GRIN2B: variants seen among roughly 807,000 people sequenced by gnomAD.
GRIN2B encodes glutamate receptor ionotropic, NMDA 2B.
In GRIN2B, 5 loss-of-function variants were observed where a neutral mutation model predicts 114.5. The observed-to-expected ratio is 0.04, with a 90% CI of 0.02 to 0.09. The LOEUF (loss-of-function observed/expected upper bound fraction) is 0.09, where lower values mean the gene tolerates loss of function less well. Ranked by LOEUF, GRIN2B falls within the 10% of genes least tolerant of loss-of-function variation. The pLI is 1.00. For synonymous variants in GRIN2B, 787 were observed against 745.1 expected, an observed-to-expected ratio of 1.06 and a Z score of -0.92; for missense variants, 1,108 against 1,943.5, an observed-to-expected ratio of 0.57 and a Z score of 8.08.
chr12:13,933,515 T>C (rs1254968958), intron 2 of GRIN2B, among the ~76,000 whole-genome samples: 1 of 152,186 alleles, frequency 6.6e-6, no homozygotes. Context: ...ACAGTTCTGT[T>C]CTATTTTTAC....
chr12:13,572,420 A>T (rs547324724), intron 10 of GRIN2B, among the ~76,000 whole-genome samples: 12 of 152,268 alleles, frequency 7.9e-5, no homozygotes, highest in African/African-American at 2.9e-4. Flanking sequence ...TAGTGAGGTG[A>T]GCTATGTGGT....
rs1032041082 is a variant in GRIN2B at position 13,543,612 on chromosome 12, A to G, written c.*19171T>C. On this transcript the variant is annotated 3_prime_UTR_variant, in exon 14 of 14. Transcript: ENST00000609686. ...TAAACTCATAATCATAAAAACTCAAATAATTCCTTTATGCCCCCTAGCATG... is the reference window on the plus strand; with the variant it reads ...TAAACTCATAATCATAAAAACTCAAGTAATTCCTTTATGCCCCCTAGCATG... The G allele has an allele frequency of 1.3e-5, 2 of 152,152 alleles. No individual in the cohort carries two copies. The highest frequency in any genetic ancestry group is 4.8e-5 in the African/African-American group (2 of 41,430). The allele number at this position is 152,152 out of a possible 1,614,324, so 9.4% of individuals were successfully genotyped here. A position where few individuals can be genotyped will look rare whatever the true frequency, so the allele number is the denominator to read the frequency against.
chr12:13,907,713 T>C (rs953060926), intron 2 of GRIN2B, among the ~76,000 whole-genome samples: 1 of 152,182 alleles, frequency 6.6e-6, no homozygotes, highest in Non-Finnish European at 1.5e-5. Flanking sequence ...ATGGATGTTA[T>C]ACATATGAAA....
intron 3 of GRIN2B, among the ~76,000 whole-genome samples, chr12:13,769,813 A>C (rs1339042692): frequency 3.3e-5 from 5 of 152,242 alleles, no homozygotes; most frequent in African/African-American, 1.2e-4. Flanking sequence ...GGATAATCAA[A>C]GATGAGTGAA....
chr12:13,670,657 C>T (rs1301985881), intron 5 of GRIN2B, among the ~76,000 whole-genome samples: 1 of 152,122 alleles, frequency 6.6e-6, no homozygotes, highest in Non-Finnish European at 1.5e-5. Context: ...CAGCTGTCCC[C>T]CACTTAGGAG....
At chr12:13,726,525 ACT>A (rs971954108) in intron 4 of GRIN2B, among the ~76,000 whole-genome samples, 5 of 149,496 alleles carry the variant, frequency 3.3e-5, no homozygotes, top group Non-Finnish European at 7.4e-5. Context: ...AAAGAGCGAG[ACT>A]CTGTCAAAAA....
intron 5 of GRIN2B, among the ~76,000 whole-genome samples, chr12:13,672,365 T>C (rs1950030098): frequency 6.6e-6 from 1 of 152,134 alleles, no homozygotes; most frequent in Admixed American, 6.6e-5. Context: ...TGTCCAGTGT[T>C]CAAATCCTCC....
At chr12:13,853,356 G>A (rs1215983593) in intron 3 of GRIN2B, among the ~76,000 whole-genome samples, 1 of 152,184 alleles carries the variant, frequency 6.6e-6, no homozygotes, top group Non-Finnish European at 1.5e-5. Flanking sequence ...TGTTTGGAGA[G>A]GAAGTTACTA....
At chr12:13,730,289 C>A (rs898407514) in intron 4 of GRIN2B, among the ~76,000 whole-genome samples, 1 of 152,088 alleles carries the variant, frequency 6.6e-6, no homozygotes. Context: ...TTTCCAAATA[C>A]AATGTTTTAT....
intron 4 of GRIN2B, among the ~76,000 whole-genome samples, chr12:13,691,524 T>A (rs1245400714): frequency 1.3e-5 from 2 of 152,100 alleles, no homozygotes; most frequent in Non-Finnish European, 2.9e-5. Context: ...CCTACAGGAA[T>A]TTAGCATTTC....
intron 5 of GRIN2B, among the ~76,000 whole-genome samples, chr12:13,668,293 C>G (rs1424066014): frequency 6.6e-6 from 1 of 152,170 alleles, no homozygotes; most frequent in Non-Finnish European, 1.5e-5. Flanking sequence ...TGGCTGTTGA[C>G]AAGCACTGGA....
rs1259937259 is a variant in GRIN2B, at chr12:13,675,793, G to A, written c.1077C>T (p.His359=). 3 of 1,611,500 alleles carry A rather than the reference G, an allele frequency of 1.9e-6. No homozygotes were observed. The highest frequency in any genetic ancestry group is 1.6e-4 in the Middle Eastern group (1 of 6,076). ...TCAGAAGAATTATCACCAGTTTCGGGTGCATCTGGTAGCCATCTTCACTGA... is the reference window on the plus strand; with the variant it reads ...TCAGAAGAATTATCACCAGTTTCGGATGCATCTGGTAGCCATCTTCACTGA... ...LSFSEDGYQM[H]PKLVIILLNK... The change falls in exon 5 of 14, where the codon CAC becomes CAT. Residue 359 remains histidine (H), a synonymous_variant. Coordinates refer to ENST00000609686, the MANE Select transcript of GRIN2B (RefSeq NM_000834.5).
chr12:13,980,855 C>A (rs886102707), intron 1 of GRIN2B, among the ~76,000 whole-genome samples: 6 of 152,166 alleles, frequency 3.9e-5, no homozygotes, highest in African/African-American at 1.2e-4. Flanking sequence ...TGATTGTGCA[C>A]GGGGTGCACA....
intron 3 of GRIN2B, among the ~76,000 whole-genome samples, chr12:13,822,830 T>C (rs1864964237): frequency 1.3e-5 from 2 of 152,120 alleles, no homozygotes; most frequent in Admixed American, 1.3e-4. Context: ...CAATCTTTCT[T>C]ACATAAATGA....
chr12:13,745,620 T>C (rs1863366236), intron 4 of GRIN2B, among the ~76,000 whole-genome samples: 1 of 152,234 alleles, frequency 6.6e-6, no homozygotes, highest in Non-Finnish European at 1.5e-5. Context: ...TGTTTTCACA[T>C]ATGTAAATTC....
intron 4 of GRIN2B, among the ~76,000 whole-genome samples, chr12:13,736,016 G>A (rs1425692654): frequency 6.6e-6 from 1 of 151,992 alleles, no homozygotes; most frequent in South Asian, 2.1e-4. Context: ...TGAATTGAAT[G>A]CTGGGCTTGC....
chr12:13,919,434 C>G (rs1381702682), intron 2 of GRIN2B, among the ~76,000 whole-genome samples: 4 of 152,186 alleles, frequency 2.6e-5, no homozygotes, highest in Non-Finnish European at 5.9e-5. Context: ...AATTCAAACT[C>G]TTTTCTAAAC....
At chr12:13,638,062 T>C (rs1040552367) in intron 5 of GRIN2B, among the ~76,000 whole-genome samples, 1 of 152,186 alleles carries the variant, frequency 6.6e-6, no homozygotes. Context: ...CCTGCTGTCA[T>C]CTTTCTGCTG....
chr12:13,583,061 T>C (rs1046462210), intron 10 of GRIN2B, among the ~76,000 whole-genome samples: 1 of 152,204 alleles, frequency 6.6e-6, no homozygotes, highest in African/African-American at 2.4e-5. Flanking sequence ...ATATTAACTT[T>C]AACATATCAT....
Sources: allele counts gnomAD v4.1 joint callset (sites outside exome capture counted in the v4.1 genomes callset), GRCh38; gene constraint gnomAD v4.1.1; transcripts MANE v1.5; gene names NCBI Gene and HGNC (gene_info 2026-07-23, HGNC 2026-07-21).